CHIC1: variants seen among roughly 807,000 people sequenced by gnomAD.
CHIC1 encodes the protein cysteine rich hydrophobic domain 1.
Under a neutral mutation model 18.5 loss-of-function variants are expected in CHIC1, and 7 were observed. That is an observed-to-expected ratio of 0.38 (90% CI 0.22 to 0.71). CHIC1 has a LOEUF of 0.71. Ranked by LOEUF, CHIC1 falls within the 30% of genes least tolerant of loss-of-function variation. CHIC1 has a pLI of 0.49. For missense variants in CHIC1, 159 were observed against 176.9 expected (o/e 0.90, Z 0.57); for synonymous variants, 77 against 73.5 (o/e 1.05, Z -0.25).
chrX:73,627,952 G>T (rs760984093), intron 3 of CHIC1, among the ~76,000 whole-genome samples: 1 of 111,981 alleles, frequency 8.9e-6, no homozygotes, highest in East Asian at 2.8e-4. Context: ...CCTCGATGTT[G>T]TACCTGGGTA....
intron 3 of CHIC1, among the ~76,000 whole-genome samples, chrX:73,671,853 T>C (rs1342814657): frequency 9.1e-6 from 1 of 110,229 alleles, no homozygotes; most frequent in East Asian, 2.8e-4. Context: ...ATGTGCCATG[T>C]TGGTGTGCTG....
chrX:73,656,929 G>T (rs188895363), intron 3 of CHIC1, among the ~76,000 whole-genome samples: 1 of 111,273 alleles, frequency 9.0e-6, no homozygotes, highest in Non-Finnish European at 1.9e-5. Flanking sequence ...CTTCCTATCC[G>T]TGAGCCTGGA....
Position 73,686,967 on chromosome X carries a change from T to C in CHIC1, c.*5962T>C, listed in dbSNP as rs1376158493. The C allele has an allele frequency of 1.8e-5, 2 of 111,901 alleles. No homozygotes were observed. The highest frequency in any genetic ancestry group is 6.5e-5 in the African/African-American group (2 of 30,866). The allele number at this position is 111,901 out of a possible 1,213,427, so 9.2% of individuals were successfully genotyped here. On this transcript the variant is annotated 3_prime_UTR_variant, in exon 6 of 6. Coordinates refer to ENST00000373502, the MANE Select transcript of CHIC1 (RefSeq NM_001039840.4). Reference sequence around the variant, plus strand: ...ATGACTTCCCTGGAAAAACTCAATCTATATACAGCTGTGCCAAAATGAAGG... The same window carrying C: ...ATGACTTCCCTGGAAAAACTCAATCCATATACAGCTGTGCCAAAATGAAGG...
intron 3 of CHIC1, among the ~76,000 whole-genome samples, chrX:73,625,323 G>T (rs1248736726): frequency 1.8e-5 from 2 of 111,316 alleles, no homozygotes; most frequent in African/African-American, 6.5e-5. Context: ...GATTAAAATA[G>T]TTTCAACATG....
Position 73,591,007 on chromosome X carries a change from G to T in CHIC1, c.507+6435G>T, listed in dbSNP as rs187321632. On this transcript the variant is annotated intron_variant, in intron 3 of 5. Coordinates refer to ENST00000373502, the MANE Select transcript of CHIC1 (RefSeq NM_001039840.4). ...AGTATGTTTAGTTTTGTAAGAAACTGCCAAACTGTCTTGCAAAGTCGCTGT... is the reference window on the plus strand; with the variant it reads ...AGTATGTTTAGTTTTGTAAGAAACTTCCAAACTGTCTTGCAAAGTCGCTGT... Among the ~76,000 whole-genome samples, 497 of 111,315 alleles carry T rather than the reference G, an allele frequency of 4.5e-3. 2 individuals carry two copies. The highest frequency in any genetic ancestry group is 0.015 in the African/African-American group (465 of 30,787).
chrX:73,632,814 G>A (rs2057813960), intron 3 of CHIC1, among the ~76,000 whole-genome samples: 1 of 96,446 alleles, frequency 1.0e-5, no homozygotes, highest in Non-Finnish European at 2.0e-5. Flanking sequence ...TGTCACCCAG[G>A]CTGGAGTGCA....
At chrX:73,614,000 G>T (rs2057721062) in intron 3 of CHIC1, among the ~76,000 whole-genome samples, 1 of 111,848 alleles carries the variant, frequency 8.9e-6, no homozygotes, top group South Asian at 3.7e-4. Flanking sequence ...GGCAGGTAGT[G>T]TGCTTTTGCT....
At position 73,683,022 on chromosome X, in the gene CHIC1, A is replaced by G. The variant is rs1354213850; in HGVS notation, c.*2017A>G. The G allele has an allele frequency of 2.7e-5, 3 of 111,293 alleles. No individual in the cohort carries two copies. The highest frequency in any genetic ancestry group is 9.6e-5 in the Admixed American group (1 of 10,455). 9.2% of individuals were successfully genotyped at this position (111,293 alleles called of 1,213,427 possible). A position where few individuals can be genotyped will look rare whatever the true frequency, so the allele number is the denominator to read the frequency against. ...ATCCTTAGAAATCTTATTTTTTTCTATAACCTTAGAATTTGATCATATGAT... is the reference window on the plus strand; with the variant it reads ...ATCCTTAGAAATCTTATTTTTTTCTGTAACCTTAGAATTTGATCATATGAT... On this transcript the variant is annotated 3_prime_UTR_variant, in exon 6 of 6. Coordinates refer to ENST00000373502, the MANE Select transcript of CHIC1 (RefSeq NM_001039840.4).
chrX:73,604,702 G>A (rs1159392387), intron 3 of CHIC1, among the ~76,000 whole-genome samples: 8 of 108,882 alleles, frequency 7.3e-5, no homozygotes, highest in African/African-American at 2.8e-4. Flanking sequence ...CTGGTATGTT[G>A]TGTCTTTGTT....
chrX:73,645,719 G>A (rs1183786240), intron 3 of CHIC1, among the ~76,000 whole-genome samples: 1 of 111,592 alleles, frequency 9.0e-6, no homozygotes, highest in Non-Finnish European at 1.9e-5. Flanking sequence ...CTTTTGAGAA[G>A]TATCTATTCA....
At chrX:73,668,490 G>A (rs1231577429) in intron 3 of CHIC1, among the ~76,000 whole-genome samples, 1 of 111,327 alleles carries the variant, frequency 9.0e-6, no homozygotes, top group Non-Finnish European at 1.9e-5. Flanking sequence ...CATCCTTGTG[G>A]GATTATCTAC....
chrX:73,662,085 A>T (rs2057983652), intron 3 of CHIC1, among the ~76,000 whole-genome samples: 1 of 108,793 alleles, frequency 9.2e-6, no homozygotes, highest in Admixed American at 9.8e-5. Context: ...AATAAATAAT[A>T]AAAAAAAAGA....
At chrX:73,600,465 T>G (rs1465304061) in intron 3 of CHIC1, among the ~76,000 whole-genome samples, 1 of 105,810 alleles carries the variant, frequency 9.5e-6, no homozygotes, top group Non-Finnish European at 1.9e-5. Flanking sequence ...ATATTGGCTG[T>G]GGGTTTGTCA....
chrX:73,576,437 C>T (rs764848223), intron 1 of CHIC1, among the ~76,000 whole-genome samples: 35 of 110,438 alleles, frequency 3.2e-4, no homozygotes, highest in Non-Finnish European at 4.8e-4. Context: ...GCTATGACAA[C>T]ACTAAGCAAT....
chrX:73,603,416 T>G (rs886172744), intron 3 of CHIC1, among the ~76,000 whole-genome samples: 1 of 108,073 alleles, frequency 9.3e-6, no homozygotes, highest in Non-Finnish European at 1.9e-5. Flanking sequence ...ACGCTGGGGT[T>G]TTTTAAATAT....
intron 3 of CHIC1, among the ~76,000 whole-genome samples, chrX:73,589,386 A>G (rs898706875): frequency 6.3e-5 from 7 of 110,900 alleles, no homozygotes; most frequent in Admixed American, 9.6e-5. Context: ...ACTGTACTGT[A>G]TACCTTATTT....
intron 3 of CHIC1, among the ~76,000 whole-genome samples, chrX:73,601,700 T>C (rs2147566976): frequency 9.8e-6 from 1 of 101,718 alleles, no homozygotes; most frequent in East Asian, 3.0e-4. Flanking sequence ...AGGCAAGAAA[T>C]AACTAAAATC....
In CHIC1 at chrX:73,563,461, AGAGGAG is replaced by A. The variant is rs750642868; in HGVS notation, c.186_191del (p.Glu67_Glu68del). 62 of 1,159,908 alleles carry A rather than the reference AGAGGAG, an allele frequency of 5.3e-5. No individual in the cohort carries two copies. The East Asian group carries it at 7.9e-4, about 15-fold the overall frequency. On this transcript the variant is annotated inframe_deletion, in exon 1 of 6. Transcript: ENST00000373502. Reference sequence around the variant, plus strand: ...AGGAGGAAGAGGAGGAGGAGGAAGAAGAGGAGGAGGAGGAAGAGGAGGAGGAAGCGC... The same window carrying A: ...AGGAGGAAGAGGAGGAGGAGGAAGAAGAGGAGGAAGAGGAGGAGGAAGCGC...
At chrX:73,593,609 T>C (rs1156319661) in intron 3 of CHIC1, among the ~76,000 whole-genome samples, 1 of 111,855 alleles carries the variant, frequency 8.9e-6, no homozygotes, top group Non-Finnish European at 1.9e-5. Flanking sequence ...TGTTCCTTTT[T>C]TATAATTCTG....
Sources: allele counts gnomAD v4.1 joint callset (sites outside exome capture counted in the v4.1 genomes callset), GRCh38; gene constraint gnomAD v4.1.1; transcripts MANE v1.5; gene names NCBI Gene and HGNC (gene_info 2026-07-23, HGNC 2026-07-21).